Variants in PC observed in about 807,000 individuals in gnomAD.
PC encodes pyruvate carboxylase.
A neutral mutation model predicts 107.8 loss-of-function variants in PC; 46 were observed. That is an observed-to-expected ratio of 0.43 (90% CI 0.34 to 0.55). The LOEUF is 0.55. Among genes scored for constraint, PC ranks in the 20% least tolerant of loss-of-function variants. The pLI is 0.04. For synonymous variants in PC, 662 were observed against 684.7 expected, an observed-to-expected ratio of 0.97 and a Z score of 0.52; for missense variants, 1,241 against 1,643.1, an observed-to-expected ratio of 0.76 and a Z score of 4.23.
chr11:66,932,153 G>A (rs1948873816), intron 3 of PC, among the ~76,000 whole-genome samples: 1 of 152,194 alleles, frequency 6.6e-6, no homozygotes, highest in Non-Finnish European at 1.5e-5. Context: ...GGTTACTGGG[G>A]AGAGAGGAAA....
intron 3 of PC, among the ~76,000 whole-genome samples, chr11:66,873,454 A>T (rs1163826295): frequency 2.4e-5 from 2 of 82,352 alleles, no homozygotes; most frequent in African/African-American, 5.0e-5. Context: ...ATTATATATA[A>T]AATATATATT....
At chr11:66,916,217 C>G (rs976035642) in intron 3 of PC, among the ~76,000 whole-genome samples, 2 of 152,180 alleles carry the variant, frequency 1.3e-5, no homozygotes, top group African/African-American at 4.8e-5. Flanking sequence ...AGACAGCAAG[C>G]CTGTCCTGCT....
At chr11:66,859,231 A>G in intron 12 of PC, 1 of 1,199,226 alleles carries the variant, frequency 8.3e-7, no homozygotes, top group Non-Finnish European at 1.1e-6. Context: ...GGACTCTTGG[A>G]GGAGCAGTGG....
chr11:66,925,055 G>A (rs1279643930), intron 3 of PC, among the ~76,000 whole-genome samples: 2 of 152,190 alleles, frequency 1.3e-5, no homozygotes, highest in African/African-American at 4.8e-5. Flanking sequence ...TGTACTAATA[G>A]GGTGTGGGTC....
chr11:66,923,577 G>A (rs560651967), intron 3 of PC, among the ~76,000 whole-genome samples: 3 of 149,986 alleles, frequency 2.0e-5, no homozygotes, highest in East Asian at 2.1e-4. Flanking sequence ...GTAGTGGCGC[G>A]ATCTCGGCTC....
At chr11:66,877,156 C>G (rs1947011207) in intron 3 of PC, among the ~76,000 whole-genome samples, 1 of 152,192 alleles carries the variant, frequency 6.6e-6, no homozygotes, top group African/African-American at 2.4e-5. Flanking sequence ...GACGCTGAGA[C>G]AGGCGGATCA....
intron 12 of PC, chr11:66,860,778 G>A (rs2513658): frequency 0.56 from 391,677 of 694,828 alleles, 115,640 homozygotes; most frequent in South Asian, 0.71. Flanking sequence ...AAAGCCTGGG[G>A]AGCACGTGTG....
chr11:66,885,808 A>G (rs11227617), intron 3 of PC, among the ~76,000 whole-genome samples: 3,731 of 152,214 alleles, frequency 0.025, 148 homozygotes, highest in East Asian at 0.084. Flanking sequence ...TGGCCTCCAG[A>G]TGTGAGGCAA....
chr11:66,885,491 A>AC (rs1265799000), intron 3 of PC, among the ~76,000 whole-genome samples: 1 of 151,530 alleles, frequency 6.6e-6, no homozygotes, highest in Non-Finnish European at 1.5e-5. Flanking sequence ...TCTGTCTAAA[A>AC]AAAAAAAAAA....
rs527901016 is a variant in PC at position 66,903,170 on chromosome 11, C to T, written c.1-31011G>A. Among the ~76,000 whole-genome samples, 378 of 152,280 alleles carry T rather than the reference C, an allele frequency of 2.5e-3. 3 individuals carry two copies. Among genetic ancestry groups the T allele is most frequent in the Middle Eastern group, 3.4e-3 (1 of 294 alleles). ...GGACCTGCGGTGGTGAGTGGATCTA[C>T]GAAAGCCCTAGGGCCAGACTGCCTT... On this transcript the variant is annotated intron_variant, in intron 3 of 22. Transcript: ENST00000393960.
Position 66,858,202 on chromosome 11 carries a change from C to T in PC, c.1369-4819G>A. On this transcript the variant is annotated intron_variant, in intron 12 of 22. Transcript: ENST00000393960. This position sits in a 1 kb window ranked among gnomAD's most constrained non-coding sequence, Gnocchi z 5.9. The stretch of plus-strand genomic sequence containing the variant: ...GAGAGCCTGGAGGACCTGGACCTGT[C>T]CTACAACAACCTCCGGCAGGTGCCC... 1 of 1,612,436 alleles carries T rather than the reference C, an allele frequency of 6.2e-7. No individual in the cohort carries two copies. Among genetic ancestry groups the T allele is most frequent in the Non-Finnish European group, 8.5e-7 (1 of 1,179,870 alleles).
At chr11:66,884,665 A>C (rs1403669119) in intron 3 of PC, among the ~76,000 whole-genome samples, 5 of 152,164 alleles carry the variant, frequency 3.3e-5, no homozygotes, top group African/African-American at 1.2e-4. Flanking sequence ...CCACACCCAT[A>C]TGTTGAAACC....
At chr11:66,872,299 A>G (rs1482308884) in intron 3 of PC, 140 bp from the exon 4 acceptor site, 1 of 1,005,280 alleles carries the variant, frequency 9.9e-7, no homozygotes, top group Non-Finnish European at 1.5e-6. Flanking sequence ...GCCAAGCCCA[A>G]CATTTCCTGG....
At position 66,852,038 on chromosome 11, in the gene PC, C is replaced by T. The variant is rs1167436530; in HGVS notation, c.1826-92G>A. The T allele has an allele frequency of 2.3e-6, 3 of 1,322,878 alleles. No individual in the cohort carries two copies. The highest frequency in any genetic ancestry group is 2.4e-5 in the East Asian group (1 of 40,844). 81.9% of individuals were successfully genotyped at this position (1,322,878 alleles called of 1,614,324 possible). ...TAGCTCTGCAGCACAAGCCTCTGGC[C>T]CCAATACCAGGTCCTGCTCATCTTC... On this transcript the variant is annotated intron_variant, in intron 15 of 22. Transcript: ENST00000393960. The surrounding 1 kb of genome is among the most constrained non-coding windows in gnomAD (Gnocchi z 4.7).
At chr11:66,941,481 G>A (rs1303641815) in intron 3 of PC, among the ~76,000 whole-genome samples, 1 of 152,084 alleles carries the variant, frequency 6.6e-6, no homozygotes, top group African/African-American at 2.4e-5. Flanking sequence ...CCATACAACG[G>A]AATATCATTC....
At chr11:66,853,471 A>C in intron 12 of PC, 88 bp from the exon 13 acceptor site, 1 of 1,512,034 alleles carries the variant, frequency 6.6e-7, no homozygotes, top group South Asian at 1.1e-5. Context: ...AAAAGGCTGA[A>C]GATGCTGCCC....
chr11:66,913,316 T>C (rs1473626977), intron 3 of PC, among the ~76,000 whole-genome samples: 1 of 151,696 alleles, frequency 6.6e-6, no homozygotes, highest in Non-Finnish European at 1.5e-5. Flanking sequence ...GACTCGTCTA[T>C]ATAAAAACTT....
intron 3 of PC, among the ~76,000 whole-genome samples, chr11:66,931,611 A>T (rs1005106178): frequency 6.6e-6 from 1 of 152,144 alleles, no homozygotes; most frequent in African/African-American, 2.4e-5. Flanking sequence ...ATGCAATGGC[A>T]CACAGAGTAC....
chr11:66,871,666 C>T lies in PC; in HGVS notation c.321+21G>A, dbSNP rs774563232. ...CTCCCTGGTCCCTGCTGTCCAGGCC[C>T]AGCCAGGCCACTGGGCTCACCTTGG... On this transcript the variant is annotated intron_variant, in intron 5 of 22. Transcript: ENST00000393960. The surrounding 1 kb of genome is among the most constrained non-coding windows in gnomAD (Gnocchi z 7.4). The T allele has an allele frequency of 1.3e-6, 2 of 1,562,818 alleles. No homozygotes were observed. Among genetic ancestry groups the T allele is most frequent in the East Asian group, 4.8e-5 (2 of 41,560 alleles).
Sources: gnomAD v4.1 joint callset for allele counts (sites outside exome capture counted in the v4.1 genomes callset) on GRCh38, gnomAD v4.1.1 for gene constraint, Gnocchi (gnomAD v3.1) non-coding constraint, MANE v1.5 for transcripts, NCBI Gene and HGNC (gene_info 2026-07-23, HGNC 2026-07-21) for gene names.